Variants in MRTFA observed in about 807,000 individuals in gnomAD.
MRTFA encodes the protein myocardin-related transcription factor A.
MRTFA carries 20 observed loss-of-function variants against 83.5 expected under a neutral mutation model. The observed-to-expected ratio is 0.24, with a 90% CI of 0.17 to 0.35. The LOEUF (loss-of-function observed/expected upper bound fraction) is 0.35. MRTFA is among the 10% of genes least tolerant of loss of function. The probability of loss-of-function intolerance (pLI) is 1.00; values close to 1 mark genes in which losing one functional copy is unlikely to be tolerated. For missense variants in MRTFA, 1,200 were observed against 1,224.7 expected, an observed-to-expected ratio of 0.98 and a Z score of 0.30; for synonymous variants, 659 against 541.2, an observed-to-expected ratio of 1.22 and a Z score of -3.02.
intron 4 of MRTFA, among the ~76,000 whole-genome samples, chr22:40,437,567 C>G (rs1238635577): frequency 6.6e-6 from 1 of 152,080 alleles, no homozygotes; most frequent in African/African-American, 2.4e-5. Flanking sequence ...CGAGACGAGC[C>G]TGGCCAACAT....
At chr22:40,421,344 A>AG (rs1409591542) in intron 9 of MRTFA, among the ~76,000 whole-genome samples, 2 of 152,186 alleles carry the variant, frequency 1.3e-5, no homozygotes, top group African/African-American at 2.4e-5. Context: ...AAAAGCTTCT[A>AG]GCTCAAGCAA....
chr22:40,468,340 T>C lies in MRTFA; in HGVS notation c.242-5054A>G, dbSNP rs187659715. Among the ~76,000 whole-genome samples, 529 of 152,272 alleles carry C rather than the reference T, an allele frequency of 3.5e-3. 3 individuals carry two copies. The highest frequency in any genetic ancestry group is 3.9e-3 in the South Asian group (19 of 4,824). Reference sequence around the variant, plus strand: ...GCAGTTGATAGCTGTTCCTACCTTATACATGTATTGATTCCACCAAGACTT... The same window carrying C: ...GCAGTTGATAGCTGTTCCTACCTTACACATGTATTGATTCCACCAAGACTT... On this transcript the variant is annotated intron_variant, in intron 3 of 14. Transcript: ENST00000355630.
Position 40,418,548 on chromosome 22 carries a change from A to G in MRTFA, c.2190T>C (p.Pro730=). 6.3e-7 allele frequency: 1 copy of G among 1,575,224 alleles called. No homozygotes were observed. Among genetic ancestry groups the G allele is most frequent in the Non-Finnish European group, 8.6e-7 (1 of 1,165,544 alleles). Residue 730 remains proline, a synonymous_variant, in exon 12 of 15, where the codon CCT becomes CCC. Coordinates refer to ENST00000355630, the MANE Select transcript of MRTFA (RefSeq NM_020831.6). Reference sequence around the variant, plus strand: ...GGGGGGCGGGGACCGGCTCGGGCTCAGGCTGCAAGGCTTCCTGCTTCACCA... The same window carrying G: ...GGGGGGCGGGGACCGGCTCGGGCTCGGGCTGCAAGGCTTCCTGCTTCACCA...
rs71328709 is a variant in MRTFA, at chr22:40,470,231, TTATATATATATATATATATATA to T, written c.242-6967_242-6946del. On this transcript the variant is annotated intron_variant, in intron 3 of 14. Coordinates refer to ENST00000355630, the MANE Select transcript of MRTFA (RefSeq NM_020831.6). ...ACAGCAAGACCCCATCTCCAAAATTTTATATATATATATATATATATATATATATATATATATATATATATAT... is the reference window on the plus strand; with the variant it reads ...ACAGCAAGACCCCATCTCCAAAATTTTATATATATATATATATATATATAT... Among the ~76,000 whole-genome samples the T allele has an allele frequency of 6.8e-3, 311 of 45,646 alleles. 9 individuals are homozygous for T. Among genetic ancestry groups the T allele is most frequent in the South Asian group, 0.036 (30 of 826 alleles). The allele number at this position is 45,646 out of a possible 152,430, so 29.9% of individuals were successfully genotyped here.
intron 5 of MRTFA, 58 bp from the exon 6 acceptor site, chr22:40,431,538 A>G: frequency 6.6e-7 from 1 of 1,522,556 alleles, no homozygotes. Flanking sequence ...TATGGCATGG[A>G]CAGGATCACA....
At chr22:40,441,063 G>A (rs1400944882) in intron 4 of MRTFA, among the ~76,000 whole-genome samples, 1 of 152,180 alleles carries the variant, frequency 6.6e-6, no homozygotes, top group Non-Finnish European at 1.5e-5. Context: ...TCTAGAAAGA[G>A]AAGCCCCCAA....
intron 3 of MRTFA, among the ~76,000 whole-genome samples, chr22:40,518,029 T>C (rs2054790152): frequency 6.6e-6 from 1 of 152,154 alleles, no homozygotes; most frequent in Non-Finnish European, 1.5e-5. Context: ...CTGGGGGTCG[T>C]ATGCCCAGAG....
At chr22:40,610,525 C>T (rs2056374968) in intron 1 of MRTFA, among the ~76,000 whole-genome samples, 1 of 152,144 alleles carries the variant, frequency 6.6e-6, no homozygotes, top group African/African-American at 2.4e-5. Flanking sequence ...CAGACAGAAG[C>T]AGCTCTTAAT....
At chr22:40,451,961 GTTTTTTTTTTTTGGTTTTTTTT>G (rs1269560380) in intron 4 of MRTFA, among the ~76,000 whole-genome samples, 2 of 112,662 alleles carry the variant, frequency 1.8e-5, no homozygotes, top group African/African-American at 6.8e-5. Context: ...CCTGGCTGAA[GTTTTTTTTTTTTGGTTTTTTTT>G]TTTTTTTTTT....
chr22:40,429,951 A>C (rs1419677081), intron 6 of MRTFA, among the ~76,000 whole-genome samples, 184 bp from the exon 7 acceptor site: 2 of 152,100 alleles, frequency 1.3e-5, no homozygotes, highest in Non-Finnish European at 2.9e-5. Flanking sequence ...AGGGGTTCCC[A>C]CTGTGACCAG....
chr22:40,516,518 T>C (rs1415823592), intron 3 of MRTFA, among the ~76,000 whole-genome samples: 1 of 152,000 alleles, frequency 6.6e-6, no homozygotes, highest in African/African-American at 2.4e-5. Flanking sequence ...GGGAACTTTT[T>C]TCTTACCAGA....
chr22:40,586,383 G>A (rs2056028778), intron 2 of MRTFA, among the ~76,000 whole-genome samples: 2 of 152,006 alleles, frequency 1.3e-5, no homozygotes, highest in African/African-American at 4.8e-5. Context: ...GATTACTAAA[G>A]GAATAATGCC....
chr22:40,442,979 G>C (rs1450536877), intron 4 of MRTFA, among the ~76,000 whole-genome samples: 1 of 152,200 alleles, frequency 6.6e-6, no homozygotes, highest in Non-Finnish European at 1.5e-5. Flanking sequence ...GCTAGGCACA[G>C]TGGCTCACAC....
intron 3 of MRTFA, among the ~76,000 whole-genome samples, chr22:40,547,859 A>C (rs2055389736): frequency 6.6e-6 from 1 of 151,248 alleles, no homozygotes. Flanking sequence ...CTCCCAAAAA[A>C]AAAAAAAAAA....
chr22:40,540,739 T>C (rs1422885851), intron 3 of MRTFA, among the ~76,000 whole-genome samples: 3 of 125,508 alleles, frequency 2.4e-5, no homozygotes, highest in South Asian at 5.1e-4. Flanking sequence ...ATGGTGCCAC[T>C]ACACTCCAGC....
chr22:40,548,215 C>T (rs564392542), intron 3 of MRTFA, among the ~76,000 whole-genome samples: 1 of 151,066 alleles, frequency 6.6e-6, no homozygotes, highest in African/African-American at 2.4e-5. Flanking sequence ...AAAAATTATC[C>T]GGGCATGGTG....
chr22:40,546,881 C>G (rs1477476073), intron 3 of MRTFA, among the ~76,000 whole-genome samples: 2 of 152,082 alleles, frequency 1.3e-5, no homozygotes, highest in African/African-American at 4.8e-5. Context: ...TATTGCCAGG[C>G]GCGGTGGATC....
At chr22:40,480,675 T>G (rs2054073549) in intron 3 of MRTFA, among the ~76,000 whole-genome samples, 2 of 151,490 alleles carry the variant, frequency 1.3e-5, no homozygotes, top group Admixed American at 1.3e-4. Context: ...CTGGGCATGA[T>G]GGTTCGCACC....
chr22:40,457,419 AGAAT>A, intron 4 of MRTFA, among the ~76,000 whole-genome samples: 1 of 137,730 alleles, frequency 7.3e-6, no homozygotes, highest in African/African-American at 2.8e-5. Flanking sequence ...AGAGAGAGAC[AGAAT>A]GAAAGAAAGA....
Sources: gnomAD v4.1 joint callset for allele counts (sites outside exome capture counted in the v4.1 genomes callset) on GRCh38, gnomAD v4.1.1 for gene constraint, MANE v1.5 for transcripts, NCBI Gene and HGNC (gene_info 2026-07-23, HGNC 2026-07-21) for gene names.